CDCA5: variants seen among roughly 807,000 people sequenced by gnomAD.
CDCA5 encodes sororin.
CDCA5 carries 14 observed loss-of-function variants against 25.7 expected under a neutral mutation model. The ratio of observed to expected loss-of-function variants is 0.54; its 90% CI spans 0.36 to 0.85. The LOEUF is 0.85. CDCA5 is among the 40% of genes least tolerant of loss of function. The pLI is 0.01. For missense variants in CDCA5, 307 were observed against 324.5 expected (o/e 0.95, Z 0.41); for synonymous variants, 127 against 128.7 (o/e 0.99, Z 0.09).
rs1436243236 is a variant in CDCA5, at chr11:65,078,307, A to G, written c.*800T>C. 1.2e-5 allele frequency: 12 copies of G among 985,394 alleles called. No individual in the cohort carries two copies. Among genetic ancestry groups the G allele is most frequent in the Non-Finnish European group, 1.4e-5 (12 of 829,978 alleles). The allele number at this position is 985,394 out of a possible 1,614,324, so 61.0% of individuals were successfully genotyped here. A position where few individuals can be genotyped will look rare whatever the true frequency, so the allele number is the denominator to read the frequency against. ...CTCCAGCGTGGGCCCTGTGCAAGGG[A>G]CCAGCCCAGAGGCCATGAGCCACAG... On this transcript the variant is annotated 3_prime_UTR_variant, in exon 6 of 6. Transcript: ENST00000275517.
Position 65,084,021 on chromosome 11 carries a change from G to A in CDCA5, c.-43C>T. 1.9e-5 allele frequency: 30 copies of A among 1,587,704 alleles called. No individual in the cohort carries two copies. Among genetic ancestry groups the A allele is most frequent in the Non-Finnish European group, 2.6e-5 (30 of 1,170,014 alleles). On this transcript the variant is annotated 5_prime_UTR_variant, in exon 1 of 6. Transcript: ENST00000275517. ...GAGCTCCTCCAGCGCCGCCGCCCCG[G>A]GCGCGCGCCAACCGGGAAGGCCACT... is the stretch of plus-strand genomic sequence containing the variant.
chr11:65,082,610 G>A (rs1393864443), intron 4 of CDCA5, among the ~76,000 whole-genome samples: 1 of 151,758 alleles, frequency 6.6e-6, no homozygotes, highest in Non-Finnish European at 1.5e-5. Context: ...CTATAGGCAC[G>A]TGCCACCATG....
At chr11:65,077,336 G>T (rs1360080774), downstream of CDCA5, 2 of 321,518 alleles carry the variant, frequency 6.2e-6, no homozygotes, top group Non-Finnish European at 9.0e-6. Flanking sequence ...TGGGGCGAAT[G>T]CGGGGAAGCG....
chr11:65,068,647 G>C (rs771199582), intron 1 of CDCA5: 1 of 1,157,288 alleles, frequency 8.6e-7, no homozygotes, highest in East Asian at 5.8e-5. Context: ...TACCATCCCC[G>C]CTATGCCATT....
At position 65,078,467 on chromosome 11, in the gene CDCA5, C is replaced by T. The variant is rs1947489681; in HGVS notation, c.*640G>A. The stretch of plus-strand genomic sequence containing the variant: ...GAAAACACAGCTTCTGTGTAGTACA[C>T]ACTTATGGTCTGAGACCCAACTAAG... On this transcript the variant is annotated 3_prime_UTR_variant, in exon 6 of 6. Transcript: ENST00000275517. 3 of 985,616 alleles carry T rather than the reference C, an allele frequency of 3.0e-6. No individual in the cohort carries two copies. Among genetic ancestry groups the T allele is most frequent in the Admixed American group, 6.1e-5 (1 of 16,284 alleles). The allele number at this position is 985,616 out of a possible 1,614,324, so 61.1% of individuals were successfully genotyped here. A position where few individuals can be genotyped will look rare whatever the true frequency, so the allele number is the denominator to read the frequency against.
At chr11:65,067,433 G>A (rs994661375) in intron 4 of CDCA5, among the ~76,000 whole-genome samples, 2 of 152,162 alleles carry the variant, frequency 1.3e-5, no homozygotes, top group African/African-American at 4.8e-5. Context: ...TGAGAGGGGC[G>A]AGCGGCCATG....
At chr11:65,066,538 G>A (rs1347508969) in intron 6 of CDCA5, 12 of 1,289,336 alleles carry the variant, frequency 9.3e-6, no homozygotes, top group Non-Finnish European at 1.0e-5. Flanking sequence ...CCGCTGCCAT[G>A]GCTGCCCGCA....
chr11:65,069,453 T>C (rs1455931555), intron 1 of CDCA5, among the ~76,000 whole-genome samples: 1 of 151,980 alleles, frequency 6.6e-6, no homozygotes, highest in East Asian at 1.9e-4. Flanking sequence ...CTAGGCAGCC[T>C]AAAATTACAC....
chr11:65,064,649 T>G (rs1029529748), downstream of CDCA5, among the ~76,000 whole-genome samples: 6 of 151,826 alleles, frequency 4.0e-5, no homozygotes, highest in Non-Finnish European at 8.8e-5. Flanking sequence ...GGTCAGGAAG[T>G]AGGTGGTTGG....
downstream of CDCA5, among the ~76,000 whole-genome samples, chr11:65,076,920 C>T (rs558056565): frequency 6.6e-6 from 1 of 152,272 alleles, no homozygotes; most frequent in South Asian, 2.1e-4. Context: ...GCTCTTAGCA[C>T]TCTCACCCCA....
At chr11:65,073,905 C>CCAT (rs1253184848), downstream of CDCA5, among the ~76,000 whole-genome samples, 2 of 152,138 alleles carry the variant, frequency 1.3e-5, no homozygotes, top group African/African-American at 4.8e-5. Context: ...CTCCTCACAC[C>CCAT]CATCACTCAA....
rs568476853 is a variant in CDCA5, at chr11:65,068,145, T to C, written c.178-27A>G. On this transcript the variant is annotated intron_variant, in intron 2 of 6. Transcript: ENST00000525464. ...TTTGCAGAGAAAGCGCCAAGGTGAC[T>C]GGAGAGGGTCACGGCTGCTCACCCA... is the stretch of plus-strand genomic sequence containing the variant. 37 of 1,256,264 alleles carry C rather than the reference T, an allele frequency of 2.9e-5. No homozygotes were observed. The African/African-American group carries it at 4.3e-4, about 15-fold the overall frequency. The allele number at this position is 1,256,264 out of a possible 1,614,324, so 77.8% of individuals were successfully genotyped here.
Position 65,068,596 on chromosome 11 carries a change from A to AAGAGACTG in CDCA5, c.64-3_68dup (p.Arg24SerfsTer57). On this transcript the variant is annotated frameshift_variant, in exon 2 of 7. Transcript: ENST00000525464. LOFTEE classifies it high-confidence loss of function. ...TGGAGTGGGCTCTTTGTCTGCCCCT[A>AAGAGACTG]AGAGACTGAGAGAGACAGAAGCCTG... 1 of 1,288,226 alleles carries AAGAGACTG rather than the reference A, an allele frequency of 7.8e-7. No homozygotes were observed. Among genetic ancestry groups the AAGAGACTG allele is most frequent in the Non-Finnish European group, 1.0e-6 (1 of 987,800 alleles). 79.8% of individuals were successfully genotyped at this position (1,288,226 alleles called of 1,614,324 possible).
chr11:65,067,618 G>T (rs895451485), intron 4 of CDCA5: 1 of 1,249,448 alleles, frequency 8.0e-7, no homozygotes, highest in Non-Finnish European at 1.0e-6. Flanking sequence ...GGGAAGCCCT[G>T]TCACCCTACC....
chr11:65,067,965 G>T (rs1276352042), intron 3 of CDCA5: 18 of 1,139,752 alleles, frequency 1.6e-5, no homozygotes, highest in Non-Finnish European at 2.0e-5. Context: ...CCAGTTTTGT[G>T]CGTGCCTGCA....
intron 4 of CDCA5, 63 bp downstream of exon 4, chr11:65,083,301 T>C: frequency 2.5e-6 from 4 of 1,588,974 alleles, no homozygotes; most frequent in Non-Finnish European, 3.5e-6. Context: ...GGAGCCAATG[T>C]GTGCTGTCCA....
chr11:65,069,852 T>G (rs1185236452), intron 1 of CDCA5, among the ~76,000 whole-genome samples: 1 of 152,236 alleles, frequency 6.6e-6, no homozygotes, highest in Admixed American at 6.5e-5. Flanking sequence ...GGCGTAGGCC[T>G]TGGGAACATA....
downstream of CDCA5, among the ~76,000 whole-genome samples, chr11:65,076,226 C>T (rs1947442350): frequency 6.6e-6 from 1 of 152,142 alleles, no homozygotes; most frequent in South Asian, 2.1e-4. Context: ...GGTGATCCTC[C>T]CACCTCAGCC....
chr11:65,067,991 A>ACTCTCT (rs149675910), intron 3 of CDCA5: 19 of 1,131,954 alleles, frequency 1.7e-5, no homozygotes, highest in East Asian at 6.0e-5. Flanking sequence ...CTGCATGGGC[A>ACTCTCT]CTCTCTCTCT....
Sources: allele counts gnomAD v4.1 joint callset (sites outside exome capture counted in the v4.1 genomes callset), GRCh38; gene constraint gnomAD v4.1.1; transcripts MANE v1.5; gene names NCBI Gene and HGNC (gene_info 2026-07-23, HGNC 2026-07-21).